ORC4: variants seen among roughly 807,000 people sequenced by gnomAD.
ORC4 encodes origin recognition complex, subunit 4 homolog.
ORC4 carries 55 observed loss-of-function variants against 63.9 expected under a neutral mutation model. The ratio of observed to expected loss-of-function variants is 0.86; its 90% CI spans 0.69 to 1.08. The LOEUF (loss-of-function observed/expected upper bound fraction) is 1.08, where lower values mean the gene tolerates loss of function less well. ORC4 is among the 50% of genes least tolerant of loss of function. The probability of loss-of-function intolerance (pLI) is 0.00; values close to 1 mark genes in which losing one functional copy is unlikely to be tolerated. For missense variants in ORC4, 511 were observed against 504.4 expected, an observed-to-expected ratio of 1.01 and a Z score of -0.13; for synonymous variants, 150 against 168.5, an observed-to-expected ratio of 0.89 and a Z score of 0.85.
At chr2:147,948,653 C>T (rs545627900) in intron 8 of ORC4, among the ~76,000 whole-genome samples, 4 of 149,008 alleles carry the variant, frequency 2.7e-5, no homozygotes, top group East Asian at 3.9e-4. Flanking sequence ...ACATGGCATT[C>T]GTAAGTTATC....
chr2:147,940,257 T>C (rs959698482), intron 10 of ORC4, among the ~76,000 whole-genome samples: 2 of 152,146 alleles, frequency 1.3e-5, no homozygotes, highest in African/African-American at 2.4e-5. Context: ...TAGTGGTGAT[T>C]TGTGAGACTT....
At chr2:148,010,177 T>G (rs190016095) in intron 1 of ORC4, among the ~76,000 whole-genome samples, 120 of 152,154 alleles carry the variant, frequency 7.9e-4, no homozygotes, top group African/African-American at 2.8e-3. Context: ...CTAAAACTTA[T>G]GAGATACAGT....
chr2:147,937,414 C>A (rs1688114575), intron 13 of ORC4, among the ~76,000 whole-genome samples: 1 of 152,076 alleles, frequency 6.6e-6, no homozygotes, highest in Non-Finnish European at 1.5e-5. Flanking sequence ...AATTTACTTT[C>A]TCAGCTATAC....
intron 4 of ORC4, 39 bp from the exon 5 acceptor site, chr2:147,958,905 GATAAAA>G (rs1349295830): frequency 5.9e-6 from 5 of 852,020 alleles, no homozygotes; most frequent in South Asian, 2.9e-5. Flanking sequence ...ATAGGTAAAA[GATAAAA>G]ATAAGTCCAT....
At chr2:147,960,638 A>G (rs1224522999) in intron 4 of ORC4, among the ~76,000 whole-genome samples, 2 of 152,222 alleles carry the variant, frequency 1.3e-5, no homozygotes, top group African/African-American at 4.8e-5. Flanking sequence ...CCCAAATATT[A>G]TAATAAACAC....
intron 1 of ORC4, among the ~76,000 whole-genome samples, chr2:147,980,084 T>C (rs1232365755): frequency 6.6e-6 from 1 of 152,012 alleles, no homozygotes; most frequent in African/African-American, 2.4e-5. Flanking sequence ...AAAGCTTCAA[T>C]CAACAGAGTG....
rs944014414 is a variant in ORC4, at chr2:147,935,074, G to GC, written c.*435dup. ...GGGTCTGGGATAGAATCCAAAATTT[G>GC]CATGTGGACAGAAAAAAACACTGCA... On this transcript the variant is annotated 3_prime_UTR_variant, in exon 14 of 14. Transcript: ENST00000392857. 1 of 159,934 alleles carries GC rather than the reference G, an allele frequency of 6.3e-6. No individual in the cohort carries two copies. The highest frequency in any genetic ancestry group is 1.4e-5 in the Non-Finnish European group (1 of 72,694). 9.9% of individuals were successfully genotyped at this position (159,934 alleles called of 1,614,324 possible).
intron 1 of ORC4, among the ~76,000 whole-genome samples, chr2:148,016,212 C>T (rs982555621): frequency 1.3e-5 from 2 of 152,130 alleles, no homozygotes; most frequent in Admixed American, 1.3e-4. Flanking sequence ...GCAACAAAAA[C>T]TAGATTTTAT....
chr2:147,954,248 T>C (rs1419720392), intron 7 of ORC4, among the ~76,000 whole-genome samples: 1 of 152,140 alleles, frequency 6.6e-6, no homozygotes, highest in Non-Finnish European at 1.5e-5. Context: ...AACATAAACA[T>C]TACCACAATA....
chr2:147,998,436 T>C (rs1692108049), intron 1 of ORC4, among the ~76,000 whole-genome samples: 1 of 152,220 alleles, frequency 6.6e-6, no homozygotes. Flanking sequence ...GTGTTCTGGC[T>C]CTCATGAGAC....
Position 147,931,607 on chromosome 2 carries a change from C to T in ORC4, c.*3903G>A, listed in dbSNP as rs1409368099. 21 of 152,148 alleles carry T rather than the reference C, an allele frequency of 1.4e-4. No individual in the cohort carries two copies. Among genetic ancestry groups the T allele is most frequent in the Admixed American group, 1.4e-3 (21 of 15,250 alleles). The allele number at this position is 152,148 out of a possible 1,614,324, so 9.4% of individuals were successfully genotyped here. On this transcript the variant is annotated 3_prime_UTR_variant, in exon 14 of 14. Coordinates refer to ENST00000392857, the MANE Select transcript of ORC4 (RefSeq NM_181741.4). ...GCAGCACATCAAAAAGCTTATCCAC[C>T]ATGATCAAGTGGGCTTCATCCCTGG...
intron 1 of ORC4, among the ~76,000 whole-genome samples, chr2:148,004,759 A>G (rs555402586): frequency 3.2e-4 from 49 of 152,308 alleles, no homozygotes; most frequent in African/African-American, 1.1e-3. Context: ...ACGAACAGAC[A>G]CTTCTCAAGA....
chr2:147,998,736 A>G (rs1228347440), intron 1 of ORC4, among the ~76,000 whole-genome samples: 1 of 152,174 alleles, frequency 6.6e-6, no homozygotes, highest in Non-Finnish European at 1.5e-5. Flanking sequence ...AAAATTTCAC[A>G]CTATTCTCAA....
At chr2:147,959,626 T>C (rs1689470535) in intron 4 of ORC4, among the ~76,000 whole-genome samples, 1 of 152,136 alleles carries the variant, frequency 6.6e-6, no homozygotes, top group Non-Finnish European at 1.5e-5. Context: ...ATGCTACTTA[T>C]TTGTCATTGC....
intron 1 of ORC4, among the ~76,000 whole-genome samples, chr2:148,008,716 C>T (rs1231435388): frequency 6.6e-6 from 1 of 152,076 alleles, no homozygotes; most frequent in Non-Finnish European, 1.5e-5. Flanking sequence ...TTAGTTTAGC[C>T]CGTGCGGTCT....
intron 1 of ORC4, among the ~76,000 whole-genome samples, chr2:147,993,142 A>G (rs1013914921): frequency 5.3e-5 from 8 of 152,148 alleles, no homozygotes; most frequent in African/African-American, 1.4e-4. Context: ...ACCAATGGGC[A>G]GTTTTCTCCT....
intron 10 of ORC4, among the ~76,000 whole-genome samples, chr2:147,942,337 GAAC>G (rs1688410642): frequency 6.6e-6 from 1 of 151,960 alleles, no homozygotes; most frequent in African/African-American, 2.4e-5. Flanking sequence ...TTAATTTTCA[GAAC>G]AATTAAGTAC....
rs1687990105 is a variant in ORC4, at chr2:147,935,335, T to C, written c.*175A>G. 3 of 614,790 alleles carry C rather than the reference T, an allele frequency of 4.9e-6. No individual in the cohort carries two copies. Among genetic ancestry groups the C allele is most frequent in the Non-Finnish European group, 8.8e-6 (3 of 342,742 alleles). 38.1% of individuals were successfully genotyped at this position (614,790 alleles called of 1,614,324 possible). A position where few individuals can be genotyped will look rare whatever the true frequency, so the allele number is the denominator to read the frequency against. On this transcript the variant is annotated 3_prime_UTR_variant, in exon 14 of 14. Coordinates refer to ENST00000392857, the MANE Select transcript of ORC4 (RefSeq NM_181741.4). ...TAATCTCAATCAGTGAAATTATAAA[T>C]CATGTAACTGTTCATGATTAAAAGG...
chr2:147,958,209 C>T, intron 6 of ORC4, 89 bp downstream of exon 6: 2 of 819,594 alleles, frequency 2.4e-6, no homozygotes, highest in South Asian at 1.6e-5. Context: ...CTGAACCTCT[C>T]CCTACCCTTC....
Sources: gnomAD v4.1 joint callset for allele counts (sites outside exome capture counted in the v4.1 genomes callset) on GRCh38, gnomAD v4.1.1 for gene constraint, MANE v1.5 for transcripts, NCBI Gene and HGNC (gene_info 2026-07-23, HGNC 2026-07-21) for gene names.